The following CTNND2 variants were observed in gnomAD, a reference collection of about 807,000 sequenced individuals.
CTNND2 encodes the protein catenin delta 2, also known as catenin delta-2.
Under a neutral mutation model 144.4 loss-of-function variants are expected in CTNND2, and 22 were observed. That is an observed-to-expected ratio of 0.15 (90% CI 0.11 to 0.22). The LOEUF (loss-of-function observed/expected upper bound fraction) is 0.22, where lower values mean the gene tolerates loss of function less well. CTNND2 is among the 10% of genes least tolerant of loss of function. The pLI, the probability that CTNND2 is intolerant of heterozygous loss-of-function variation, is 1.00. For synonymous variants in CTNND2, 751 were observed against 695.6 expected (o/e 1.08, Z -1.25); for missense variants, 1,353 against 1,618.8 (o/e 0.84, Z 2.82).
In CTNND2 at chr5:11,766,564, C is replaced by T. The variant is rs1217896413; in HGVS notation, c.38-34292G>A. Among the ~76,000 whole-genome samples the T allele has an allele frequency of 3.9e-5, 6 of 152,300 alleles. 1 individual carries two copies. The South Asian group carries it at 1.0e-3, about 26-fold the overall frequency. ...TTCTGCCGTGATTGTGAGGCTTCCCCGGCCACATAGAACTGTAAGTCCACT... is the reference window on the plus strand; with the variant it reads ...TTCTGCCGTGATTGTGAGGCTTCCCTGGCCACATAGAACTGTAAGTCCACT... On this transcript the variant is annotated intron_variant, in intron 1 of 21. Transcript: ENST00000304623.
At chr5:11,456,712 G>A (rs976559598) in intron 3 of CTNND2, among the ~76,000 whole-genome samples, 4 of 152,148 alleles carry the variant, frequency 2.6e-5, no homozygotes, top group African/African-American at 7.2e-5. Context: ...TTAAAAAGAC[G>A]ATTTAAAAAT....
intron 2 of CTNND2, among the ~76,000 whole-genome samples, chr5:11,568,386 C>A (rs1270595939): frequency 6.6e-6 from 1 of 152,302 alleles, no homozygotes; most frequent in East Asian, 1.9e-4. Context: ...TCATTTCCTA[C>A]CTTACCCCAA....
At chr5:11,841,769 G>A (rs1028199972) in intron 1 of CTNND2, among the ~76,000 whole-genome samples, 18 of 151,678 alleles carry the variant, frequency 1.2e-4, no homozygotes, top group African/African-American at 4.4e-4. Context: ...ACATTTAATG[G>A]ACCTCCAAGC....
chr5:11,613,104 A>G (rs1174447386), intron 2 of CTNND2, among the ~76,000 whole-genome samples: 1 of 152,200 alleles, frequency 6.6e-6, no homozygotes, highest in African/African-American at 2.4e-5. Context: ...AATACAAAAC[A>G]GCTTCTTTGT....
At chr5:11,873,937 G>C (rs1735352749) in intron 1 of CTNND2, among the ~76,000 whole-genome samples, 1 of 152,170 alleles carries the variant, frequency 6.6e-6, no homozygotes, top group Non-Finnish European at 1.5e-5. Flanking sequence ...AGGGAGCCTA[G>C]AAAAGGCAAT....
intron 21 of CTNND2, among the ~76,000 whole-genome samples, chr5:10,978,493 T>A (rs980755931): frequency 7.4e-6 from 1 of 134,338 alleles, no homozygotes; most frequent in Non-Finnish European, 1.6e-5. Flanking sequence ...GGAAATACTT[T>A]TTGGGGAGGG....
chr5:10,978,916 A>T (rs1201147580), intron 21 of CTNND2, among the ~76,000 whole-genome samples: 1 of 152,244 alleles, frequency 6.6e-6, no homozygotes, highest in African/African-American at 2.4e-5. Flanking sequence ...TAGAGCCATT[A>T]TAGACTGTCC....
At chr5:11,048,730 T>G (rs1330613374) in intron 16 of CTNND2, among the ~76,000 whole-genome samples, 1 of 152,232 alleles carries the variant, frequency 6.6e-6, no homozygotes, top group Non-Finnish European at 1.5e-5. Context: ...AGACTTGTGA[T>G]TTTCACATAT....
chr5:11,600,879 C>G (rs752338673), intron 2 of CTNND2, among the ~76,000 whole-genome samples: 1 of 151,832 alleles, frequency 6.6e-6, no homozygotes, highest in Non-Finnish European at 1.5e-5. Flanking sequence ...GAAGAAGGTA[C>G]CAGTAGACAT....
At chr5:11,623,809 TATA>T in intron 2 of CTNND2, among the ~76,000 whole-genome samples, 1 of 5,606 alleles carries the variant, frequency 1.8e-4, no homozygotes, top group African/African-American at 4.6e-4. Context: ...TGTGTGTATG[TATA>T]TATATATATA....
intron 12 of CTNND2, among the ~76,000 whole-genome samples, chr5:11,123,175 G>T (rs1754317762): frequency 2.0e-5 from 3 of 152,136 alleles, no homozygotes; most frequent in Non-Finnish European, 4.4e-5. Flanking sequence ...GCTTCTCTTA[G>T]AGCACCTGTA....
intron 18 of CTNND2, among the ~76,000 whole-genome samples, chr5:11,000,178 T>G (rs2149511923): frequency 6.6e-6 from 1 of 152,364 alleles, no homozygotes; most frequent in South Asian, 2.1e-4. Flanking sequence ...TCATTCGGAC[T>G]GGTCTACAGG....
At chr5:11,011,654 CA>C (rs1741096034) in intron 18 of CTNND2, among the ~76,000 whole-genome samples, 1 of 152,204 alleles carries the variant, frequency 6.6e-6, no homozygotes, top group Admixed American at 6.5e-5. Flanking sequence ...ACTTTAACAA[CA>C]GGGACTGCCC....
chr5:11,792,609 C>T lies in CTNND2; in HGVS notation c.38-60337G>A, dbSNP rs537943715. On this transcript the variant is annotated intron_variant, in intron 1 of 21. Transcript: ENST00000304623. ...AGCAGGGGTCTAAGAGGAAGCACAT[C>T]AAGGCCGATGAATTGAGTGTTCAAG... 3.6e-4 allele frequency among the ~76,000 whole-genome samples: 55 copies of T among 152,344 alleles called. No homozygotes were observed. The South Asian group carries it at 0.011, about 30-fold the overall frequency.
intron 3 of CTNND2, among the ~76,000 whole-genome samples, chr5:11,443,238 G>A (rs1363092385): frequency 4.7e-5 from 3 of 64,458 alleles, no homozygotes; most frequent in Non-Finnish European, 1.1e-4. Flanking sequence ...TGTGTGTGAT[G>A]TGTGTGTGTG....
chr5:11,279,355 C>A (rs1746879472), intron 9 of CTNND2, among the ~76,000 whole-genome samples: 1 of 152,138 alleles, frequency 6.6e-6, no homozygotes, highest in Non-Finnish European at 1.5e-5. Flanking sequence ...TATATTCAAC[C>A]CATCAACACT....
At chr5:11,312,797 C>G (rs940276691) in intron 9 of CTNND2, among the ~76,000 whole-genome samples, 1 of 149,558 alleles carries the variant, frequency 6.7e-6, no homozygotes, top group Non-Finnish European at 1.5e-5. Context: ...TCAAAGCCAG[C>G]CATACGTCCC....
intron 1 of CTNND2, among the ~76,000 whole-genome samples, chr5:11,763,426 C>G (rs1789393327): frequency 6.6e-6 from 1 of 152,148 alleles, no homozygotes; most frequent in Admixed American, 6.6e-5. Flanking sequence ...ACTAAAAACT[C>G]CTGTAGGTCA....
intron 20 of CTNND2, 136 bp downstream of exon 20, chr5:10,987,975 C>A (rs899837471): frequency 1.1e-5 from 12 of 1,106,858 alleles, no homozygotes; most frequent in Non-Finnish European, 1.6e-5. Context: ...ATCAAGCTCT[C>A]AAGTGACTGG....
Sources: allele counts gnomAD v4.1 joint callset (sites outside exome capture counted in the v4.1 genomes callset), GRCh38; gene constraint gnomAD v4.1.1; transcripts MANE v1.5; gene names NCBI Gene and HGNC (gene_info 2026-07-23, HGNC 2026-07-21).